The following KCNIP4 variants were observed in gnomAD, a reference collection of about 807,000 sequenced individuals.
The protein encoded by KCNIP4 is potassium voltage-gated channel interacting protein 4.
A neutral mutation model predicts 34.0 loss-of-function variants in KCNIP4; 12 were observed. The observed-to-expected ratio is 0.35, with a 90% CI of 0.23 to 0.57. KCNIP4 has a LOEUF of 0.57. Ranked by LOEUF, KCNIP4 falls within the 20% of genes least tolerant of loss-of-function variation. KCNIP4 has a pLI of 0.83. For synonymous variants in KCNIP4, 124 were observed against 102.2 expected, an observed-to-expected ratio of 1.21 and a Z score of -1.29; for missense variants, 238 against 311.7, an observed-to-expected ratio of 0.76 and a Z score of 1.78.
chr4:21,789,174 A>G (rs1168246265), intron 1 of KCNIP4, among the ~76,000 whole-genome samples: 1 of 152,050 alleles, frequency 6.6e-6, no homozygotes, highest in African/African-American at 2.4e-5. Context: ...CACTCAACAA[A>G]TTCCAAAGTT....
At chr4:21,260,067 A>G (rs946667295) in intron 1 of KCNIP4, among the ~76,000 whole-genome samples, 1 of 152,312 alleles carries the variant, frequency 6.6e-6, no homozygotes, top group African/African-American at 2.4e-5. Context: ...TCAGGTGATC[A>G]TCTGTAATTT....
At chr4:21,358,473 C>G (rs574729057) in intron 1 of KCNIP4, among the ~76,000 whole-genome samples, 3 of 152,164 alleles carry the variant, frequency 2.0e-5, no homozygotes, top group African/African-American at 7.2e-5. Flanking sequence ...CTACTTGACT[C>G]AGAGAGTTAT....
intron 1 of KCNIP4, among the ~76,000 whole-genome samples, chr4:21,527,130 G>A (rs1736034178): frequency 6.6e-6 from 1 of 152,124 alleles, no homozygotes; most frequent in Non-Finnish European, 1.5e-5. Context: ...TAATGCCTAG[G>A]CTGCCGTTTC....
At chr4:21,513,055 T>C (rs900481380) in intron 1 of KCNIP4, among the ~76,000 whole-genome samples, 3 of 152,188 alleles carry the variant, frequency 2.0e-5, no homozygotes, top group African/African-American at 7.2e-5. Flanking sequence ...TCTCCACTGC[T>C]ACCATTGCCA....
intron 2 of KCNIP4, among the ~76,000 whole-genome samples, chr4:20,880,001 A>C (rs1479198102): frequency 6.6e-6 from 1 of 152,216 alleles, no homozygotes; most frequent in Non-Finnish European, 1.5e-5. Flanking sequence ...GATCAAATAC[A>C]ATATACTAGA....
chr4:21,022,377 T>C (rs1477522811), intron 1 of KCNIP4, among the ~76,000 whole-genome samples: 2 of 152,246 alleles, frequency 1.3e-5, no homozygotes, highest in East Asian at 1.9e-4. Context: ...TTCCATTGCA[T>C]AACCTTTAAG....
At chr4:20,974,561 G>T (rs1300802996) in intron 1 of KCNIP4, among the ~76,000 whole-genome samples, 1 of 152,152 alleles carries the variant, frequency 6.6e-6, no homozygotes, top group Non-Finnish European at 1.5e-5. Flanking sequence ...AATTGCCAGT[G>T]GTTCTCAAGG....
intron 1 of KCNIP4, among the ~76,000 whole-genome samples, chr4:21,514,562 C>A (rs1486750235): frequency 6.6e-6 from 1 of 152,124 alleles, no homozygotes; most frequent in South Asian, 2.1e-4. Flanking sequence ...AATTATGGCT[C>A]TTCTTTCCTC....
chr4:21,306,432 A>G (rs1239904574), intron 1 of KCNIP4, among the ~76,000 whole-genome samples: 1 of 152,170 alleles, frequency 6.6e-6, no homozygotes, highest in Admixed American at 6.5e-5. Flanking sequence ...GCTTGAGAGC[A>G]GTGGTGTGAT....
intron 1 of KCNIP4, among the ~76,000 whole-genome samples, chr4:21,420,577 A>G (rs1725369124): frequency 6.6e-6 from 1 of 152,060 alleles, no homozygotes; most frequent in Admixed American, 6.5e-5. Context: ...GTTCTTTATC[A>G]TTTCCTGACA....
At chr4:20,867,064 T>C (rs1722948557) in intron 2 of KCNIP4, among the ~76,000 whole-genome samples, 1 of 152,026 alleles carries the variant, frequency 6.6e-6, no homozygotes, top group African/African-American at 2.4e-5. Context: ...ATCAGTGTTA[T>C]AAAAATGGCC....
chr4:21,259,078 A>G (rs1480756473), intron 1 of KCNIP4, among the ~76,000 whole-genome samples: 1 of 152,180 alleles, frequency 6.6e-6, no homozygotes, highest in African/African-American at 2.4e-5. Context: ...GAGTTTAAAT[A>G]CTTTTCACGT....
intron 1 of KCNIP4, among the ~76,000 whole-genome samples, chr4:21,270,742 A>T (rs934865686): frequency 3.0e-4 from 45 of 152,030 alleles, no homozygotes; most frequent in African/African-American, 9.7e-4. Flanking sequence ...ATCCCAGCAC[A>T]TTGGGAGGCC....
chr4:21,052,047 C>T (rs1278857820), intron 1 of KCNIP4, among the ~76,000 whole-genome samples: 1 of 152,050 alleles, frequency 6.6e-6, no homozygotes. Context: ...ATAAAGAGAC[C>T]ATTAGTGAGA....
At chr4:21,435,806 TATC>T (rs902950205) in intron 1 of KCNIP4, among the ~76,000 whole-genome samples, 2 of 152,302 alleles carry the variant, frequency 1.3e-5, no homozygotes, top group African/African-American at 4.8e-5. Context: ...GGCACCTTGT[TATC>T]AACGACTTCT....
Position 20,972,080 on chromosome 4 carries a change from C to A in KCNIP4, c.62-89371G>T, listed in dbSNP as rs569392295. Among the ~76,000 whole-genome samples the A allele has an allele frequency of 1.6e-4, 25 of 152,316 alleles. 1 individual carries two copies. The highest frequency in any genetic ancestry group is 5.2e-4 in the Admixed American group (8 of 15,304). On this transcript the variant is annotated intron_variant, in intron 1 of 8. Coordinates refer to ENST00000382152, the MANE Select transcript of KCNIP4 (RefSeq NM_025221.6). ...CCAGTAATTCAGTTAAATATTCAGG[C>A]TCCACTTCTAATTCTAGTTCTCTTG...
chr4:21,424,129 A>T (rs1446170892), intron 1 of KCNIP4, among the ~76,000 whole-genome samples: 1 of 151,368 alleles, frequency 6.6e-6, no homozygotes, highest in East Asian at 2.0e-4. Flanking sequence ...GAGAATTTTT[A>T]AAAATGTAGT....
At chr4:21,811,923 G>T (rs1417567520) in intron 1 of KCNIP4, among the ~76,000 whole-genome samples, 3 of 152,310 alleles carry the variant, frequency 2.0e-5, no homozygotes, top group Admixed American at 1.3e-4. Flanking sequence ...AGTGGAGGTT[G>T]CCTTGAAATT....
chr4:21,173,331 C>T (rs1010574245), intron 1 of KCNIP4, among the ~76,000 whole-genome samples: 10 of 152,034 alleles, frequency 6.6e-5, no homozygotes, highest in Admixed American at 2.0e-4. Flanking sequence ...GACTAAAGCT[C>T]ATAGGTTAGA....
Sources: gnomAD v4.1 joint callset for allele counts (sites outside exome capture counted in the v4.1 genomes callset) on GRCh38, gnomAD v4.1.1 for gene constraint, MANE v1.5 for transcripts, NCBI Gene and HGNC (gene_info 2026-07-23, HGNC 2026-07-21) for gene names.